Variants in DIPK1A observed in about 807,000 individuals in gnomAD.
DIPK1A encodes family with sequence similarity 69 member A.
A neutral mutation model predicts 40.8 loss-of-function variants in DIPK1A; 27 were observed. The observed-to-expected ratio is 0.66, with a 90% CI of 0.49 to 0.91. The LOEUF (loss-of-function observed/expected upper bound fraction) is 0.91, where lower values mean the gene tolerates loss of function less well. Among genes scored for constraint, DIPK1A ranks in the 40% least tolerant of loss-of-function variants. The probability of loss-of-function intolerance (pLI) is 0.00; values close to 1 mark genes in which losing one functional copy is unlikely to be tolerated. For synonymous variants in DIPK1A, 166 were observed against 171.3 expected, an observed-to-expected ratio of 0.97 and a Z score of 0.24; for missense variants, 412 against 505.7, an observed-to-expected ratio of 0.81 and a Z score of 1.78.
rs1374647801 is a variant in DIPK1A, at chr1:92,909,220, AGAG to A, written c.55-32793_55-32791del. Among the ~76,000 whole-genome samples, 31 of 152,334 alleles carry A rather than the reference AGAG, an allele frequency of 2.0e-4. No individual in the cohort carries two copies. The East Asian group carries it at 3.7e-3, about 18-fold the overall frequency. ...ATTCCCCATCTTTTCCTTCATCTGC[AGAG>A]GAGAATACCTGAAATTCAGTATGTC... On this transcript the variant is annotated intron_variant, in intron 1 of 4. Coordinates refer to ENST00000370310, the MANE Select transcript of DIPK1A (RefSeq NM_001006605.5).
In DIPK1A at chr1:92,860,919, T is replaced by G. The variant is rs138027315; in HGVS notation, c.190-9964A>C. ...TTTTATGACTGAATAAATGTCTACATGTCTAGCAGAAATTGCTTTCATTAC... is the reference window on the plus strand; with the variant it reads ...TTTTATGACTGAATAAATGTCTACAGGTCTAGCAGAAATTGCTTTCATTAC... On this transcript the variant is annotated intron_variant, in intron 2 of 4. Coordinates refer to ENST00000370310, the MANE Select transcript of DIPK1A (RefSeq NM_001006605.5). Among the ~76,000 whole-genome samples, 167 of 152,342 alleles carry G rather than the reference T, an allele frequency of 1.1e-3. 1 individual carries two copies. The highest frequency in any genetic ancestry group is 3.9e-3 in the African/African-American group (162 of 41,586).
At chr1:92,961,317 G>T (rs116489989) in intron 1 of DIPK1A, 59 bp downstream of exon 1, 323,364 of 1,309,372 alleles carry the variant, frequency 0.25, 43,310 homozygotes, top group Non-Finnish European at 0.27. Flanking sequence ...CCTGCGCGGC[G>T]CGGCAGGGCA....
chr1:92,872,957 G>T (rs1243556910), intron 2 of DIPK1A, among the ~76,000 whole-genome samples: 1 of 152,232 alleles, frequency 6.6e-6, no homozygotes, highest in South Asian at 2.1e-4. Context: ...CTGGCTGTAT[G>T]CATGAGGTTC....
At chr1:92,961,281 G>A (rs1265540081) in intron 1 of DIPK1A, 95 bp downstream of exon 1, 15 of 924,226 alleles carry the variant, frequency 1.6e-5, no homozygotes, top group Non-Finnish European at 2.2e-5. Flanking sequence ...CACAGACCCA[G>A]GGAGGGAGGA....
At chr1:92,849,750 G>C (rs1687752984) in intron 3 of DIPK1A, among the ~76,000 whole-genome samples, 1 of 151,816 alleles carries the variant, frequency 6.6e-6, no homozygotes, top group South Asian at 2.1e-4. Context: ...CTGGCCTCAA[G>C]TGACCTACCG....
intron 4 of DIPK1A, chr1:92,835,069 G>A: frequency 9.4e-7 from 1 of 1,060,080 alleles, no homozygotes; most frequent in Non-Finnish European, 1.4e-6. Context: ...ATCTAGGTCA[G>A]CTCTTTCCAA....
chr1:92,878,736 CG>C (rs1212315992), intron 1 of DIPK1A, among the ~76,000 whole-genome samples: 3 of 152,114 alleles, frequency 2.0e-5, no homozygotes, highest in Non-Finnish European at 4.4e-5. Flanking sequence ...AGGAGAATAG[CG>C]TGAACCCCGG....
intron 1 of DIPK1A, chr1:92,877,276 T>G (rs1185366576): frequency 1.3e-5 from 4 of 316,806 alleles, no homozygotes; most frequent in African/African-American, 9.0e-5. Context: ...TTGACATTTA[T>G]TTTTTGAGTC....
At chr1:92,842,076 T>A, downstream of DIPK1A, 1 of 812,248 alleles carries the variant, frequency 1.2e-6, no homozygotes, top group Non-Finnish European at 1.7e-6. Flanking sequence ...GGCTTCTGTT[T>A]TACCTGACAG....
intron 1 of DIPK1A, among the ~76,000 whole-genome samples, chr1:92,900,668 C>T (rs939999432): frequency 1.3e-5 from 2 of 152,030 alleles, no homozygotes; most frequent in African/African-American, 4.8e-5. Flanking sequence ...GTCAGGTTTC[C>T]AAATTGCAGC....
At chr1:92,876,963 G>A (rs1158100640) in intron 1 of DIPK1A, 1 of 984,554 alleles carries the variant, frequency 1.0e-6, no homozygotes, top group Non-Finnish European at 1.2e-6. Context: ...GTATTCACCA[G>A]GGCTTTATGT....
chr1:92,857,453 C>T (rs746931087), intron 2 of DIPK1A, among the ~76,000 whole-genome samples: 5 of 151,752 alleles, frequency 3.3e-5, no homozygotes, highest in African/African-American at 4.8e-5. Flanking sequence ...TCCCGAATAG[C>T]TAGGATTATA....
intron 1 of DIPK1A, among the ~76,000 whole-genome samples, chr1:92,908,880 T>C (rs971952409): frequency 2.0e-5 from 3 of 152,116 alleles, no homozygotes; most frequent in Non-Finnish European, 4.4e-5. Context: ...TGGATGCACA[T>C]CTGAGGGTGG....
At chr1:92,942,497 C>T (rs555395623) in intron 1 of DIPK1A, among the ~76,000 whole-genome samples, 7 of 152,076 alleles carry the variant, frequency 4.6e-5, no homozygotes, top group Non-Finnish European at 8.8e-5. Context: ...TAATTTAAGA[C>T]GCTAATCTTT....
chr1:92,921,575 C>T (rs1650270325), intron 1 of DIPK1A, among the ~76,000 whole-genome samples: 1 of 152,160 alleles, frequency 6.6e-6, no homozygotes, highest in Admixed American at 6.6e-5. Flanking sequence ...CCTGAGGAAC[C>T]TGGCTCAGTG....
At chr1:92,838,948 T>C (rs1042675138), downstream of DIPK1A, among the ~76,000 whole-genome samples, 2 of 152,294 alleles carry the variant, frequency 1.3e-5, no homozygotes, top group African/African-American at 2.4e-5. Context: ...CATCTCCACA[T>C]TGATTGAATA....
intron 1 of DIPK1A, among the ~76,000 whole-genome samples, chr1:92,950,916 G>GA (rs1167142162): frequency 6.6e-6 from 1 of 152,084 alleles, no homozygotes; most frequent in Non-Finnish European, 1.5e-5. Flanking sequence ...TAATAGGAAA[G>GA]AAACAAAGTA....
At chr1:92,947,848 T>G (rs1651434190) in intron 1 of DIPK1A, among the ~76,000 whole-genome samples, 1 of 152,242 alleles carries the variant, frequency 6.6e-6, no homozygotes, top group African/African-American at 2.4e-5. Context: ...CTAAAACAGT[T>G]GATCTCATAG....
intron 4 of DIPK1A, 131 bp from the exon 5 acceptor site, chr1:92,844,326 A>G (rs540866365): frequency 1.9e-5 from 12 of 630,948 alleles, no homozygotes; most frequent in Non-Finnish European, 3.1e-5. Context: ...CAGGAACTTA[A>G]TGTATTATAT....
Sources: gnomAD v4.1 joint callset for allele counts (sites outside exome capture counted in the v4.1 genomes callset) on GRCh38, gnomAD v4.1.1 for gene constraint, MANE v1.5 for transcripts, NCBI Gene and HGNC (gene_info 2026-07-23, HGNC 2026-07-21) for gene names.